Variants in SLC44A3 observed in about 807,000 individuals in gnomAD.
The protein encoded by SLC44A3 is solute carrier family 44 member 3.
SLC44A3 carries 74 observed loss-of-function variants against 75.4 expected under a neutral mutation model. That is an observed-to-expected ratio of 0.98 (90% CI 0.81 to 1.19). The LOEUF (loss-of-function observed/expected upper bound fraction) is 1.19, where lower values mean the gene tolerates loss of function less well. SLC44A3 is among the 50% of genes most tolerant of loss of function. The pLI, the probability that SLC44A3 is intolerant of heterozygous loss-of-function variation, is 0.00. For synonymous variants in SLC44A3, 310 were observed against 296.9 expected (o/e 1.04, Z -0.45); for missense variants, 700 against 778.6 (o/e 0.90, Z 1.20).
rs764073632 is a variant in SLC44A3, at chr1:94,864,774, C to T, written c.1270C>T (p.Leu424Phe). Residue 424 changes from leucine to phenylalanine, a missense_variant, in exon 11 of 15, where the codon CTT becomes TTT. Coordinates refer to ENST00000271227, the MANE Select transcript of SLC44A3 (RefSeq NM_001114106.3). Reference sequence around the variant, plus strand: ...AAATGATCCTCCTGATCATCCCATCCTTTCGTCTCTCTCCATTCTCTTCTT... The same window carrying T: ...AAATGATCCTCCTGATCATCCCATCTTTTCGTCTCTCTCCATTCTCTTCTT... ...SKNDPPDHPI[L>F]SSLSILFFYH... 1 of 1,613,730 alleles carries T rather than the reference C, an allele frequency of 6.2e-7. No individual in the cohort carries two copies. The highest frequency in any genetic ancestry group is 2.2e-5 in the East Asian group (1 of 44,876).
chr1:94,853,345 G>C lies in SLC44A3; in HGVS notation c.1073-3990G>C, dbSNP rs147440762. 3.4e-3 allele frequency among the ~76,000 whole-genome samples: 517 copies of C among 152,322 alleles called. 1 individual carries two copies. The highest frequency in any genetic ancestry group is 5.4e-3 in the Non-Finnish European group (369 of 68,026). On this transcript the variant is annotated intron_variant, in intron 9 of 14. Coordinates refer to ENST00000271227, the MANE Select transcript of SLC44A3 (RefSeq NM_001114106.3). ...AGAGAAAGTGGGAGGAAAAGAATTG[G>C]AAAGAGTAAGTATAGACAATCTTGA...
rs534900646 is a variant in SLC44A3, at chr1:94,839,635, C to T, written c.671-313C>T. Reference sequence around the variant, plus strand: ...AACTCCTGACCTCAGGTGATCCACCCGCCTCGGCCTCCCAAAGTGCTGGGA... The same window carrying T: ...AACTCCTGACCTCAGGTGATCCACCTGCCTCGGCCTCCCAAAGTGCTGGGA... On this transcript the variant is annotated intron_variant, in intron 6 of 14. Transcript: ENST00000271227. Among the ~76,000 whole-genome samples, 58 of 152,204 alleles carry T rather than the reference C, an allele frequency of 3.8e-4. No homozygotes were observed. The South Asian group carries it at 0.011, about 29-fold the overall frequency.
intron 1 of SLC44A3, chr1:94,820,680 GC>G (rs952779973): frequency 7.2e-7 from 1 of 1,379,452 alleles, no homozygotes; most frequent in African/African-American, 1.5e-5. Flanking sequence ...GGAGACGCGG[GC>G]CGCGGGGCGC....
intron 10 of SLC44A3, among the ~76,000 whole-genome samples, chr1:94,864,490 A>G (rs768474999): frequency 2.6e-4 from 39 of 152,224 alleles, no homozygotes; most frequent in Non-Finnish European, 3.5e-4. Context: ...CATTATGAAG[A>G]GGGAAACTTT....
chr1:94,831,421 A>G (rs928203397), intron 5 of SLC44A3, among the ~76,000 whole-genome samples: 2 of 152,218 alleles, frequency 1.3e-5, no homozygotes, highest in Non-Finnish European at 2.9e-5. Context: ...AGGGCCAAAG[A>G]ACATTTTCTA....
intron 10 of SLC44A3, among the ~76,000 whole-genome samples, chr1:94,859,795 C>T (rs1454020769): frequency 2.0e-5 from 3 of 152,210 alleles, no homozygotes; most frequent in Admixed American, 2.0e-4. Flanking sequence ...CAGCACCCCA[C>T]ATTCCACAGT....
chr1:94,844,947 G>A (rs1188433328), intron 8 of SLC44A3, among the ~76,000 whole-genome samples: 2 of 152,154 alleles, frequency 1.3e-5, no homozygotes, highest in African/African-American at 4.8e-5. Flanking sequence ...TGGGTTCTGT[G>A]GGATGTGGAG....
chr1:94,829,234 G>A (rs543958713), intron 5 of SLC44A3, among the ~76,000 whole-genome samples: 32 of 151,944 alleles, frequency 2.1e-4, no homozygotes, highest in African/African-American at 6.8e-4. Flanking sequence ...AGTGAGCCGA[G>A]ATCGCGACAC....
chr1:94,887,524 T>C (rs1019242370), intron 12 of SLC44A3, among the ~76,000 whole-genome samples: 1 of 152,188 alleles, frequency 6.6e-6, no homozygotes, highest in Non-Finnish European at 1.5e-5. Flanking sequence ...CCAAAACTCT[T>C]TGGAGTCAAC....
intron 12 of SLC44A3, among the ~76,000 whole-genome samples, chr1:94,872,280 T>C (rs1667840729): frequency 6.6e-6 from 1 of 152,088 alleles, no homozygotes; most frequent in Non-Finnish European, 1.5e-5. Context: ...TTTGTATTTT[T>C]AGTAGGGATG....
At chr1:94,865,003 C>G in intron 11 of SLC44A3, 104 bp downstream of exon 11, 1 of 1,274,792 alleles carries the variant, frequency 7.8e-7, no homozygotes, top group Non-Finnish European at 1.1e-6. Flanking sequence ...TGACCTGTGA[C>G]AGCGGGCCGT....
At chr1:94,877,907 C>T (rs61772581) in intron 12 of SLC44A3, among the ~76,000 whole-genome samples, 24,772 of 152,012 alleles carry the variant, frequency 0.16, 2,396 homozygotes, top group Admixed American at 0.25. Context: ...GGTGTGTTTG[C>T]CATGCCCACG....
intron 12 of SLC44A3, among the ~76,000 whole-genome samples, chr1:94,885,172 A>G (rs1669426145): frequency 6.9e-6 from 1 of 145,980 alleles, no homozygotes; most frequent in Non-Finnish European, 1.5e-5. Flanking sequence ...GACCACAGGA[A>G]TACAATCGCG....
rs986328519 is a variant in SLC44A3, at chr1:94,827,353, G to C, written c.279-154G>C. On this transcript the variant is annotated intron_variant, in intron 3 of 14. Transcript: ENST00000271227. ...ACAGCTTCATGGATGACCACCAGTA[G>C]GCATCATAAATGTTCAATTATGCTG... 9 of 866,942 alleles carry C rather than the reference G, an allele frequency of 1.0e-5. No individual in the cohort carries two copies. In the African/African-American group the frequency reaches 1.5e-4, roughly 15 times the overall value. 53.7% of individuals were successfully genotyped at this position (866,942 alleles called of 1,614,324 possible).
rs370308899 is a variant in SLC44A3 at position 94,835,177 on chromosome 1, C to T, written c.510-2534C>T. Among the ~76,000 whole-genome samples the T allele has an allele frequency of 9.8e-5, 15 of 152,320 alleles. 1 individual carries two copies. The highest frequency in any genetic ancestry group is 3.6e-4 in the African/African-American group (15 of 41,576). On this transcript the variant is annotated intron_variant, in intron 5 of 14. Coordinates refer to ENST00000271227, the MANE Select transcript of SLC44A3 (RefSeq NM_001114106.3). ...TAAGAAACTTGTCACAGGCCAGGCA[C>T]AGTGGCTCACACCTGTAATCCCAAC...
intron 12 of SLC44A3, among the ~76,000 whole-genome samples, chr1:94,890,039 G>A (rs1670037667): frequency 6.6e-6 from 1 of 152,040 alleles, no homozygotes; most frequent in South Asian, 2.1e-4. Context: ...TAGTAGAGAA[G>A]GGATTACTCC....
intron 9 of SLC44A3, among the ~76,000 whole-genome samples, chr1:94,847,013 G>A (rs76039050): frequency 0.012 from 1,892 of 152,356 alleles, 47 homozygotes; most frequent in African/African-American, 0.043. Flanking sequence ...GAGGTGCATA[G>A]GGGCAGTCTT....
At chr1:94,876,126 C>T (rs920787234) in intron 12 of SLC44A3, among the ~76,000 whole-genome samples, 17 of 152,160 alleles carry the variant, frequency 1.1e-4, no homozygotes, top group South Asian at 2.1e-4. Context: ...CGGGCCGGGC[C>T]GTCATCTGTG....
At chr1:94,866,692 G>A (rs1268963993) in intron 11 of SLC44A3, among the ~76,000 whole-genome samples, 1 of 152,176 alleles carries the variant, frequency 6.6e-6, no homozygotes, top group Non-Finnish European at 1.5e-5. Context: ...TTTCAGGATT[G>A]TTTTCAGGGA....
Sources: gnomAD v4.1 joint callset for allele counts (sites outside exome capture counted in the v4.1 genomes callset) on GRCh38, gnomAD v4.1.1 for gene constraint, MANE v1.5 for transcripts, NCBI Gene and HGNC (gene_info 2026-07-23, HGNC 2026-07-21) for gene names.